Variants in PPP2R1A observed in about 807,000 individuals in gnomAD.
PPP2R1A encodes the protein serine/threonine-protein phosphatase 2A 65 kDa regulatory subunit A alpha isoform.
Under a neutral mutation model 67.1 loss-of-function variants are expected in PPP2R1A, and 15 were observed. That is an observed-to-expected ratio of 0.22 (90% CI 0.15 to 0.34). The LOEUF is 0.34. Among genes scored for constraint, PPP2R1A ranks in the 10% least tolerant of loss-of-function variants. PPP2R1A has a pLI of 1.00. For missense variants in PPP2R1A, 369 were observed against 775.0 expected, an observed-to-expected ratio of 0.48 and a Z score of 6.22; for synonymous variants, 337 against 325.0, an observed-to-expected ratio of 1.04 and a Z score of -0.40.
Position 52,190,192 on chromosome 19 carries a change from GACTTGGGGAA to G in PPP2R1A, c.78+19_78+28del. Reference sequence around the variant, plus strand: ...ACGTTCAGGTCCGGAGGCTACGGGGGACTTGGGGAAGACGCGGAGGGGTACCTGGGGGCAC... The same window carrying G: ...ACGTTCAGGTCCGGAGGCTACGGGGGGACGCGGAGGGGTACCTGGGGGCAC... On this transcript the variant is annotated intron_variant, in intron 1 of 14. Transcript: ENST00000322088. The G allele has an allele frequency of 6.5e-7, 1 of 1,549,916 alleles. No homozygotes were observed. Among genetic ancestry groups the G allele is most frequent in the Admixed American group, 2.0e-5 (1 of 50,896 alleles).
rs749787331 is a variant in PPP2R1A at position 52,215,999 on chromosome 19, C to G, written c.923-5C>G. 1.2e-6 allele frequency: 2 copies of G among 1,613,844 alleles called. No individual in the cohort carries two copies. Among genetic ancestry groups the G allele is most frequent in the Non-Finnish European group, 1.7e-6 (2 of 1,179,712 alleles). ...TTCCCTTTGCCTCCCTCTCCCTGCC[C>G]ACAGAGTTCTGTGAAAACCTCTCAG... On this transcript the variant is annotated splice_region_variant and splice_polypyrimidine_tract_variant and intron_variant, in intron 7 of 14. Transcript: ENST00000322088.
At chr19:52,210,178 G>C (rs530619375) in intron 3 of PPP2R1A, among the ~76,000 whole-genome samples, 1 of 152,206 alleles carries the variant, frequency 6.6e-6, no homozygotes, top group African/African-American at 2.4e-5. Context: ...AACATATTGG[G>C]ATAAGTTGAG....
At position 52,213,238 on chromosome 19, in the gene PPP2R1A, A is replaced by T; in HGVS notation, c.807+128A>T. ...TGGGCGTTTGAGCAATAAGATCTCT[A>T]TGATCATCTAACTGCGTCTCGCTTC... is the stretch of plus-strand genomic sequence containing the variant. On this transcript the variant is annotated intron_variant, in intron 6 of 14. Coordinates refer to ENST00000322088, the MANE Select transcript of PPP2R1A (RefSeq NM_014225.6). The surrounding 1 kb of genome is among the most constrained non-coding windows in gnomAD (Gnocchi z 4.2). 1 of 1,190,382 alleles carries T rather than the reference A, an allele frequency of 8.4e-7. No individual in the cohort carries two copies. Among genetic ancestry groups the T allele is most frequent in the Non-Finnish European group, 1.1e-6 (1 of 893,516 alleles). The allele number at this position is 1,190,382 out of a possible 1,614,324, so 73.7% of individuals were successfully genotyped here. A position where few individuals can be genotyped will look rare whatever the true frequency, so the allele number is the denominator to read the frequency against.
intron 3 of PPP2R1A, among the ~76,000 whole-genome samples, chr19:52,207,230 A>C (rs1211022027): frequency 6.6e-6 from 1 of 152,196 alleles, no homozygotes; most frequent in Non-Finnish European, 1.5e-5. Flanking sequence ...GCCAGCCTAG[A>C]AGGGGTTCCT....
chr19:52,222,146 A>T lies in PPP2R1A; in HGVS notation c.1566A>T (p.Leu522=). ...AGGACATCACCACCAAGCACATGCT[A>T]CCCACGGTTCTGCGCATGGCTGGGG... The part of the protein sequence containing the change: ...CGQDITTKHM[L]PTVLRMAGDP... Residue 522 remains leucine (L), a synonymous_variant, in exon 13 of 15, where the codon CTA becomes CTT. Coordinates refer to ENST00000322088, the MANE Select transcript of PPP2R1A (RefSeq NM_014225.6). 6.2e-7 allele frequency: 1 copy of T among 1,614,078 alleles called. No homozygotes were observed. Among genetic ancestry groups the T allele is most frequent in the South Asian group, 1.1e-5 (1 of 91,052 alleles).
At position 52,212,424 on chromosome 19, in the gene PPP2R1A, A is replaced by G; in HGVS notation, c.504-262A>G. The G allele has an allele frequency of 2.0e-6, 1 of 495,628 alleles. No homozygotes were observed. Among genetic ancestry groups the G allele is most frequent in the Non-Finnish European group, 3.6e-6 (1 of 278,224 alleles). 30.7% of individuals were successfully genotyped at this position (495,628 alleles called of 1,614,324 possible). On this transcript the variant is annotated intron_variant, in intron 4 of 14. Transcript: ENST00000322088. The surrounding 1 kb of genome is among the most constrained non-coding windows in gnomAD (Gnocchi z 4.1). ...TTTTTATGGGAATGATGTAATCGTC[A>G]GCACTTAGCATTGACTAGATTTATT...
Position 52,216,194 on chromosome 19 carries a change from C to T in PPP2R1A, c.993+120C>T. 8.7e-7 allele frequency: 1 copy of T among 1,148,914 alleles called. No individual in the cohort carries two copies. The allele number at this position is 1,148,914 out of a possible 1,614,324, so 71.2% of individuals were successfully genotyped here. ...AGGTTCCCAGCCCTCTGGGACCAGG[C>T]AGCTCTTGGGTTTCAAGCAGTTAGG... On this transcript the variant is annotated intron_variant, in intron 8 of 14. Coordinates refer to ENST00000322088, the MANE Select transcript of PPP2R1A (RefSeq NM_014225.6). This position sits in a 1 kb window ranked among gnomAD's most constrained non-coding sequence, Gnocchi z 4.3.
At chr19:52,204,297 A>G (rs1425262478) in intron 2 of PPP2R1A, among the ~76,000 whole-genome samples, 1 of 152,228 alleles carries the variant, frequency 6.6e-6, no homozygotes, top group East Asian at 1.9e-4. Context: ...GCAGATTGAA[A>G]TGAAAGAGTG....
At chr19:52,205,778 T>C (rs1456993563) in intron 2 of PPP2R1A, among the ~76,000 whole-genome samples, 185 bp from the exon 3 acceptor site, 1 of 152,128 alleles carries the variant, frequency 6.6e-6, no homozygotes, top group Non-Finnish European at 1.5e-5. Flanking sequence ...AGGGCTCTCT[T>C]ATCCCAGCCA....
At chr19:52,190,390 G>T (rs1314512612) in intron 1 of PPP2R1A, 3 of 621,002 alleles carry the variant, frequency 4.8e-6, no homozygotes, top group Non-Finnish European at 8.6e-6. Context: ...CGCTAGCCTC[G>T]AGGGTCCCGG....
chr19:52,190,277 G>A, intron 1 of PPP2R1A, 103 bp downstream of exon 1: 1 of 1,330,670 alleles, frequency 7.5e-7, no homozygotes, highest in Non-Finnish European at 1.0e-6. Flanking sequence ...TGGCGGAAGG[G>A]GGCGACGGCC....
Position 52,212,786 on chromosome 19 carries a change from A to C in PPP2R1A, c.604A>C (p.Lys202Gln), listed in dbSNP as rs759982626. The C allele has an allele frequency of 6.2e-7, 1 of 1,613,326 alleles. No individual in the cohort carries two copies. Among genetic ancestry groups the C allele is most frequent in the East Asian group, 2.2e-5 (1 of 44,858 alleles). Residue 202 changes from lysine to glutamine, a missense_variant, in exon 5 of 15, where the codon AAG (lysine) becomes CAG (glutamine). By Grantham distance (53) the Lys-to-Gln change is moderately conservative (BLOSUM62 1). This residue lies in a region of PPP2R1A where 276 missense variants were observed against 508.4 expected (regional missense o/e 0.54). Coordinates refer to ENST00000322088, the MANE Select transcript of PPP2R1A (RefSeq NM_014225.6). The surrounding 1 kb of genome is among the most constrained non-coding windows in gnomAD (Gnocchi z 4.1). ...CAAGGTGCTGGAGCTGGACAACGTC[A>C]AGAGTGAGATCATCCCCATGTTCTC... ...FAKVLELDNVKSEIIPMFSNL... is the reference protein window; with the variant it reads ...FAKVLELDNVQSEIIPMFSNL...
chr19:52,206,642 G>A (rs2089605498), intron 3 of PPP2R1A, among the ~76,000 whole-genome samples: 1 of 152,062 alleles, frequency 6.6e-6, no homozygotes, highest in Non-Finnish European at 1.5e-5. Context: ...GGCAGAGCTG[G>A]GATTCTTGGT....
rs2089692152 is a variant in PPP2R1A, at chr19:52,213,343, T to A, written c.807+233T>A. The stretch of plus-strand genomic sequence containing the variant: ...ATTCTGAGGCAAAGTTAAGGCTACG[T>A]GGAGGAAAGTGCCACAGGAGCAGAG... On this transcript the variant is annotated intron_variant, in intron 6 of 14. Coordinates refer to ENST00000322088, the MANE Select transcript of PPP2R1A (RefSeq NM_014225.6). The surrounding 1 kb of genome is among the most constrained non-coding windows in gnomAD (Gnocchi z 4.2). Among the ~76,000 whole-genome samples, 1 of 151,004 alleles carries A rather than the reference T, an allele frequency of 6.6e-6. No homozygotes were observed. The highest frequency in any genetic ancestry group is 6.6e-5 in the Admixed American group (1 of 15,136).
At chr19:52,222,068 A>G (rs1386260334) in intron 12 of PPP2R1A, 31 bp from the exon 13 acceptor site, 2 of 1,575,544 alleles carry the variant, frequency 1.3e-6, no homozygotes, top group South Asian at 2.3e-5. Context: ...GGAGCTTTGC[A>G]TACTCACCCC....
At position 52,213,403 on chromosome 19, in the gene PPP2R1A, C is replaced by T. The variant is rs1403084144; in HGVS notation, c.807+293C>T. Among the ~76,000 whole-genome samples, 1 of 146,750 alleles carries T rather than the reference C, an allele frequency of 6.8e-6. No individual in the cohort carries two copies. Among genetic ancestry groups the T allele is most frequent in the East Asian group, 2.0e-4 (1 of 4,898 alleles). ...ACATGTGGGGTGTTCCTGACATAAT[C>T]AAGCTGTCCTTTCACAAAGGGGAAG... On this transcript the variant is annotated intron_variant, in intron 6 of 14. Transcript: ENST00000322088. The surrounding 1 kb of genome is among the most constrained non-coding windows in gnomAD (Gnocchi z 4.2).
In PPP2R1A at chr19:52,213,457, GTTTTTT is replaced by G. The variant is rs398035011; in HGVS notation, c.807+372_807+377del. Among the ~76,000 whole-genome samples, 2 of 71,738 alleles carry G rather than the reference GTTTTTT, an allele frequency of 2.8e-5. No individual in the cohort carries two copies. Among genetic ancestry groups the G allele is most frequent in the African/African-American group, 5.5e-5 (1 of 18,346 alleles). The allele number at this position is 71,738 out of a possible 152,430, so 47.1% of individuals were successfully genotyped here. ...GCCCAAAAAGGTGGGGTTTTTTGGT[GTTTTTT>G]TTTTTTTTTTTTTTTTTTTTTTTTA... On this transcript the variant is annotated intron_variant, in intron 6 of 14. Coordinates refer to ENST00000322088, the MANE Select transcript of PPP2R1A (RefSeq NM_014225.6). The surrounding 1 kb of genome is among the most constrained non-coding windows in gnomAD (Gnocchi z 4.2).
intron 1 of PPP2R1A, among the ~76,000 whole-genome samples, chr19:52,194,278 A>G (rs1182685363): frequency 1.3e-5 from 2 of 151,988 alleles, no homozygotes; most frequent in African/African-American, 4.8e-5. Context: ...GTTGGTACAA[A>G]GGCCAGGAGT....
Position 52,213,115 on chromosome 19 carries a change from A to G in PPP2R1A, c.807+5A>G. ...GTGGCTGACAAGTTCACAGAGGTAG[A>G]TGAGCGACCGTTGACATTGTCCCAC... On this transcript the variant is annotated splice_donor_5th_base_variant and intron_variant, in intron 6 of 14. Transcript: ENST00000322088. This position sits in a 1 kb window ranked among gnomAD's most constrained non-coding sequence, Gnocchi z 4.2. 1.3e-6 allele frequency: 2 copies of G among 1,554,376 alleles called. No homozygotes were observed. The highest frequency in any genetic ancestry group is 8.7e-7 in the Non-Finnish European group (1 of 1,155,862).
Sources: gnomAD v4.1 joint callset for allele counts (sites outside exome capture counted in the v4.1 genomes callset) on GRCh38, gnomAD v4.1.1 for gene constraint, gnomAD v4.1.1 regional missense constraint, Gnocchi (gnomAD v3.1) non-coding constraint, MANE v1.5 for transcripts, NCBI Gene and HGNC (gene_info 2026-07-23, HGNC 2026-07-21) for gene names.